Variants in DYSF observed in about 807,000 individuals in gnomAD.
The protein encoded by DYSF is dystrophy-associated fer-1-like 1.
A neutral mutation model predicts 274.9 loss-of-function variants in DYSF; 212 were observed. The ratio of observed to expected loss-of-function variants is 0.77; its 90% CI spans 0.69 to 0.86. The LOEUF (loss-of-function observed/expected upper bound fraction) is 0.86. Ranked by LOEUF, DYSF falls within the 40% of genes least tolerant of loss-of-function variation. DYSF has a pLI of 0.00. For missense variants in DYSF, 2,666 were observed against 2,783.2 expected, an observed-to-expected ratio of 0.96 and a Z score of 0.95; for synonymous variants, 1,091 against 1,078.7, an observed-to-expected ratio of 1.01 and a Z score of -0.22.
chr2:71,646,477 C>A (rs143116138), intron 42 of DYSF, among the ~76,000 whole-genome samples: 2 of 152,164 alleles, frequency 1.3e-5, no homozygotes. Flanking sequence ...CTGGAAGGAA[C>A]GCTGGTTCTT....
chr2:71,574,357 C>T lies in DYSF; in HGVS notation c.3388C>T (p.Leu1130Phe). ...EKTGPAAVFA[L>F]EGALGGVMDD... The stretch of plus-strand genomic sequence containing the variant: ...GACGGGGCCTGCAGCTGTGTTTGCC[C>T]TTGAGGGGGCCCTGGTATGTGGGGC... Residue 1130 changes from leucine to phenylalanine, a missense_variant, in exon 30 of 56, where the codon CTT becomes TTT. Around this residue, in one of 3 missense-constraint regions of DYSF, gnomAD observed 1,460 missense variants for 1,502.1 expected, o/e 0.97. Coordinates refer to ENST00000410020, the MANE Select transcript of DYSF (RefSeq NM_001130987.2). The T allele has an allele frequency of 1.2e-6, 2 of 1,613,756 alleles. No individual in the cohort carries two copies. Among genetic ancestry groups the T allele is most frequent in the South Asian group, 1.1e-5 (1 of 91,066 alleles).
At chr2:71,538,448 T>C (rs1298692967) in intron 16 of DYSF, among the ~76,000 whole-genome samples, 1 of 152,156 alleles carries the variant, frequency 6.6e-6, no homozygotes, top group Non-Finnish European at 1.5e-5. Flanking sequence ...GCAGGAGCAA[T>C]GTTCCAGGAG....
chr2:71,647,801 T>A (rs2094590520), intron 42 of DYSF, among the ~76,000 whole-genome samples: 1 of 152,250 alleles, frequency 6.6e-6, no homozygotes, highest in African/African-American at 2.4e-5. Flanking sequence ...TCTTTACTTT[T>A]GTGTGTGTTT....
rs1293561126 is a variant in DYSF, at chr2:71,618,305, GGT to G, written c.4465-2228_4465-2227del. On this transcript the variant is annotated intron_variant, in intron 40 of 55. Coordinates refer to ENST00000410020, the MANE Select transcript of DYSF (RefSeq NM_001130987.2). The stretch of plus-strand genomic sequence containing the variant: ...GTAGAGGTGTGTGTGTGGTAGAGGT[GGT>G]GTGTGTGTGTGTGGTAGAGATGGGG... 9.5e-3 allele frequency among the ~76,000 whole-genome samples: 506 copies of G among 53,212 alleles called. 7 individuals carry two copies. The highest frequency in any genetic ancestry group is 0.031 in the African/African-American group (463 of 14,988). The allele number at this position is 53,212 out of a possible 152,430, so 34.9% of individuals were successfully genotyped here. A position where few individuals can be genotyped will look rare whatever the true frequency, so the allele number is the denominator to read the frequency against.
At chr2:71,497,686 C>T (rs115836916) in intron 3 of DYSF, among the ~76,000 whole-genome samples, 5,902 of 151,652 alleles carry the variant, frequency 0.039, 128 homozygotes, top group Middle Eastern at 0.075. Flanking sequence ...TGCTTATTCT[C>T]ATGGCCCAAT....
chr2:71,513,470 G>A (rs746717855), intron 6 of DYSF, 138 bp downstream of exon 6: 89 of 959,526 alleles, frequency 9.3e-5, no homozygotes, highest in Non-Finnish European at 1.3e-4. Flanking sequence ...GAGGGCTAGG[G>A]CCATTCTGTT....
intron 55 of DYSF, among the ~76,000 whole-genome samples, chr2:71,683,426 GC>G (rs2095319153): frequency 6.6e-6 from 1 of 152,202 alleles, no homozygotes; most frequent in Non-Finnish European, 1.5e-5. Flanking sequence ...TCACCAGGGA[GC>G]CTCCCCCAGT....
At chr2:71,477,631 A>G (rs1420199630) in intron 1 of DYSF, among the ~76,000 whole-genome samples, 1 of 152,252 alleles carries the variant, frequency 6.6e-6, no homozygotes, top group Non-Finnish European at 1.5e-5. Context: ...TAACTGACTG[A>G]ACAAAAATTT....
chr2:71,636,266 A>G (rs1039731428), intron 41 of DYSF, among the ~76,000 whole-genome samples: 12 of 152,206 alleles, frequency 7.9e-5, no homozygotes, highest in African/African-American at 2.7e-4. Context: ...TCCGATGTAC[A>G]TGGCTGTTGG....
chr2:71,535,429 G>C (rs1358670526), intron 16 of DYSF, 118 bp downstream of exon 16: 15 of 1,110,100 alleles, frequency 1.4e-5, no homozygotes, highest in Non-Finnish European at 2.1e-5. Context: ...TTCAGGTGAG[G>C]TAATGTCCCC....
chr2:71,603,793 A>G (rs1405783110), intron 36 of DYSF, among the ~76,000 whole-genome samples: 1 of 152,162 alleles, frequency 6.6e-6, no homozygotes, highest in Non-Finnish European at 1.5e-5. Context: ...GATTGAGTGC[A>G]CTTTGTGGCC....
intron 22 of DYSF, among the ~76,000 whole-genome samples, chr2:71,557,138 C>G (rs771477115): frequency 6.6e-6 from 1 of 152,188 alleles, no homozygotes; most frequent in Non-Finnish European, 1.5e-5. Context: ...AGCATACTGA[C>G]AAAGGTACAA....
rs1157411074 is a variant in DYSF, at chr2:71,672,180, CGGCCGAAGGCGGAGACAGAAACTGGCTT to C, written c.5785-2006_5785-1979del. Among the ~76,000 whole-genome samples the C allele has an allele frequency of 2.0e-3, 308 of 151,884 alleles. 1 individual carries two copies. Among genetic ancestry groups the C allele is most frequent in the African/African-American group, 6.7e-3 (278 of 41,518 alleles). ...CAGAGGTGGGAGACAGAAACTGGCT[CGGCCGAAGGCGGAGACAGAAACTGGCTT>C]GGCCGAAGGCAGAGCCAGAGGGTCC... On this transcript the variant is annotated intron_variant, in intron 51 of 55. Coordinates refer to ENST00000410020, the MANE Select transcript of DYSF (RefSeq NM_001130987.2).
intron 32 of DYSF, among the ~76,000 whole-genome samples, chr2:71,593,607 T>C (rs961657839): frequency 1.3e-5 from 2 of 152,190 alleles, no homozygotes; most frequent in Admixed American, 6.5e-5. Context: ...GTGGGTAGCA[T>C]TGCTTCCCTG....
chr2:71,606,898 C>T lies in DYSF; in HGVS notation c.3957+4093C>T, dbSNP rs1395366677. On this transcript the variant is annotated intron_variant, in intron 36 of 55. Transcript: ENST00000410020. Reference sequence around the variant, plus strand: ...ACGGGTGCTAGGAAGGAGGACAGTGCGTGTTGGATTCATTCCTTTATCCTC... The same window carrying T: ...ACGGGTGCTAGGAAGGAGGACAGTGTGTGTTGGATTCATTCCTTTATCCTC... Among the ~76,000 whole-genome samples, 5 of 152,130 alleles carry T rather than the reference C, an allele frequency of 3.3e-5. No homozygotes were observed. The East Asian group carries it at 7.7e-4, about 23-fold the overall frequency.
chr2:71,665,164 C>G lies in DYSF; in HGVS notation c.5177C>G (p.Ser1726Cys), dbSNP rs2152951691. ...RCGLPQTYCV[S>C]GPNQWRDQLR... ...TATGTCTTGTGCTTGCTCCTCAGCT[C>G]TGGACCGAACCAGTGGCGGGACCAG... is the stretch of plus-strand genomic sequence containing the variant. The change falls in exon 47 of 56, where the codon TCT becomes TGT. Residue 1726 changes from serine (S) to cysteine (C), a missense_variant and splice_region_variant. Around this residue, in one of 3 missense-constraint regions of DYSF, gnomAD observed 1,460 missense variants for 1,502.1 expected, o/e 0.97. Transcript: ENST00000410020. The G allele has an allele frequency of 2.5e-6, 4 of 1,613,898 alleles. No homozygotes were observed. In the East Asian group the frequency reaches 8.9e-5, roughly 36 times the overall value.
intron 30 of DYSF, among the ~76,000 whole-genome samples, chr2:71,577,471 C>T (rs1386384620): frequency 6.6e-6 from 1 of 150,784 alleles, no homozygotes; most frequent in Non-Finnish European, 1.5e-5. Flanking sequence ...AACACACTCT[C>T]TACACACTCC....
intron 41 of DYSF, among the ~76,000 whole-genome samples, chr2:71,625,083 T>C (rs1019708519): frequency 6.6e-6 from 1 of 152,162 alleles, no homozygotes; most frequent in Admixed American, 6.5e-5. Context: ...ATAGTTGTTT[T>C]CCATCCAAAG....
chr2:71,660,390 A>AAGTGG (rs2094856553), intron 44 of DYSF, among the ~76,000 whole-genome samples, 170 bp from the exon 45 acceptor site: 1 of 152,212 alleles, frequency 6.6e-6, no homozygotes, highest in Admixed American at 6.5e-5. Flanking sequence ...GTCAGGGTCC[A>AAGTGG]AGTGGAGTGG....
Sources: allele counts gnomAD v4.1 joint callset (sites outside exome capture counted in the v4.1 genomes callset), GRCh38; gene constraint gnomAD v4.1.1; regional missense constraint gnomAD v4.1.1; transcripts MANE v1.5; gene names NCBI Gene and HGNC (gene_info 2026-07-23, HGNC 2026-07-21).